The following INSR variants were observed in gnomAD, a reference collection of about 807,000 sequenced individuals.
INSR encodes the protein insulin receptor.
Under a neutral mutation model 142.6 loss-of-function variants are expected in INSR, and 67 were observed. That is an observed-to-expected ratio of 0.47 (90% CI 0.39 to 0.58). The LOEUF is 0.58. INSR is among the 20% of genes least tolerant of loss of function. The pLI is 0.00. For synonymous variants in INSR, 756 were observed against 743.1 expected, an observed-to-expected ratio of 1.02 and a Z score of -0.28; for missense variants, 1,248 against 1,833.2, an observed-to-expected ratio of 0.68 and a Z score of 5.83.
intron 2 of INSR, among the ~76,000 whole-genome samples, chr19:7,248,739 T>A (rs1236363073): frequency 6.8e-6 from 1 of 146,326 alleles, no homozygotes; most frequent in Non-Finnish European, 1.5e-5. Context: ...CCTGGACTAT[T>A]CCCGGTTGGC....
chr19:7,196,995 A>C (rs910498284), intron 2 of INSR, among the ~76,000 whole-genome samples: 3 of 152,100 alleles, frequency 2.0e-5, no homozygotes, highest in African/African-American at 7.2e-5. Flanking sequence ...CCCTGACCTC[A>C]GAGGTTCGAG....
chr19:7,257,247 C>T lies in INSR; in HGVS notation c.652+10098G>A, dbSNP rs117872551. Among the ~76,000 whole-genome samples, 125 of 152,052 alleles carry T rather than the reference C, an allele frequency of 8.2e-4. 1 individual carries two copies. The East Asian group carries it at 0.019, about 23-fold the overall frequency. On this transcript the variant is annotated intron_variant, in intron 2 of 21. Coordinates refer to ENST00000302850, the MANE Select transcript of INSR (RefSeq NM_000208.4). Reference sequence around the variant, plus strand: ...GCCTGAGCCACCGTGCCCGGCCTCCCCCACCTTATCTTTTTCTTTTTGTTG... The same window carrying T: ...GCCTGAGCCACCGTGCCCGGCCTCCTCCACCTTATCTTTTTCTTTTTGTTG...
At chr19:7,139,311 C>G (rs1053136132) in intron 13 of INSR, among the ~76,000 whole-genome samples, 1 of 152,194 alleles carries the variant, frequency 6.6e-6, no homozygotes, top group Non-Finnish European at 1.5e-5. Context: ...GCAGCAAGAA[C>G]TGACTGAAAC....
Position 7,290,300 on chromosome 19 carries a change from G to A in INSR, c.100+3492C>T, listed in dbSNP as rs75540469. Among the ~76,000 whole-genome samples the A allele has an allele frequency of 9.6e-3, 1,454 of 152,160 alleles. 54 individuals are homozygous for A. In the East Asian group the frequency reaches 0.13, roughly 14 times the overall value. ...GTGTGCCTGTGGTCCCAGCTACTAC[G>A]GAGGCTAAAATAGGAGGATGGCTTG... is the stretch of plus-strand genomic sequence containing the variant. On this transcript the variant is annotated intron_variant, in intron 1 of 21. Coordinates refer to ENST00000302850, the MANE Select transcript of INSR (RefSeq NM_000208.4).
rs547680930 is a variant in INSR, at chr19:7,289,877, T to C, written c.100+3915A>G. On this transcript the variant is annotated intron_variant, in intron 1 of 21. Transcript: ENST00000302850. The stretch of plus-strand genomic sequence containing the variant: ...CCCAGGACCACATGGGTGGAGACCA[T>C]GGTTCCAGCTCAACACTCTACATAC... 5.3e-5 allele frequency among the ~76,000 whole-genome samples: 8 copies of C among 152,244 alleles called. No individual in the cohort carries two copies. In the Middle Eastern group the frequency reaches 0.01, roughly 194 times the overall value.
intron 13 of INSR, among the ~76,000 whole-genome samples, chr19:7,136,171 TG>T (rs1031916603): frequency 2.0e-5 from 3 of 152,092 alleles, no homozygotes; most frequent in African/African-American, 7.2e-5. Flanking sequence ...ATTTTTGTCA[TG>T]GCTAATTTGG....
Position 7,294,007 on chromosome 19 carries a change from G to A in INSR, c.-116C>T. 3 of 1,059,650 alleles carry A rather than the reference G, an allele frequency of 2.8e-6. No homozygotes were observed. The highest frequency in any genetic ancestry group is 3.5e-6 in the Non-Finnish European group (3 of 866,006). The allele number at this position is 1,059,650 out of a possible 1,614,324, so 65.6% of individuals were successfully genotyped here. On this transcript the variant is annotated 5_prime_UTR_variant, in exon 1 of 22. Transcript: ENST00000302850. The stretch of plus-strand genomic sequence containing the variant: ...GGGGCCGCGCGTCCTTCTCTTCCAC[G>A]CCCGCGACCCGCGGGCCGCAGCCCC...
In INSR at chr19:7,172,340, A is replaced by C; in HGVS notation, c.1218T>G (p.Leu406=). ...TCAGACGTAACTTCCGGAAGAAGGA[A>C]AGTGACACCAGAGCGTAGGATCGGC... ...KIRRSYALVS[L]SFFRKLRLIR... The change falls in exon 5 of 22, where the codon CTT becomes CTG. Residue 406 remains leucine (L), a synonymous_variant. Transcript: ENST00000302850. 6.2e-7 allele frequency: 1 copy of C among 1,614,180 alleles called. No homozygotes were observed. Among genetic ancestry groups the C allele is most frequent in the South Asian group, 1.1e-5 (1 of 91,080 alleles).
chr19:7,282,012 G>C (rs370978057), intron 1 of INSR, among the ~76,000 whole-genome samples: 2 of 152,162 alleles, frequency 1.3e-5, no homozygotes, highest in Non-Finnish European at 2.9e-5. Flanking sequence ...GAGCCAGTCT[G>C]TACGTGGCAC....
intron 2 of INSR, among the ~76,000 whole-genome samples, chr19:7,236,973 G>A (rs1444320173): frequency 6.7e-6 from 1 of 150,270 alleles, no homozygotes; most frequent in African/African-American, 2.5e-5. Context: ...CTTGCAGTGA[G>A]CCGAGATCGC....
rs532592666 is a variant in INSR at position 7,193,189 on chromosome 19, G to C, written c.653-8552C>G. On this transcript the variant is annotated intron_variant, in intron 2 of 21. Transcript: ENST00000302850. ...GCTGGAGTGCAGTGGCACGATCTCAGCTCACTGCAACCTCCGCCTCCCGGG... is the reference window on the plus strand; with the variant it reads ...GCTGGAGTGCAGTGGCACGATCTCACCTCACTGCAACCTCCGCCTCCCGGG... 4.0e-5 allele frequency among the ~76,000 whole-genome samples: 6 copies of C among 150,544 alleles called. No individual in the cohort carries two copies. In the South Asian group the frequency reaches 1.0e-3, roughly 26 times the overall value.
rs1235715606 is a variant in INSR, at chr19:7,172,501, T to C, written c.1124-67A>G. ...ATTTCAATCTTCTCATGATTCTCCA[T>C]GGTGAGAAGATAACCCTCAGGCTGC... On this transcript the variant is annotated intron_variant, in intron 4 of 21. Coordinates refer to ENST00000302850, the MANE Select transcript of INSR (RefSeq NM_000208.4). The C allele has an allele frequency of 8.4e-6, 13 of 1,544,504 alleles. No homozygotes were observed. In the East Asian group the frequency reaches 2.5e-4, roughly 29 times the overall value.
chr19:7,236,218 TC>T (rs1406185633), intron 2 of INSR, among the ~76,000 whole-genome samples: 1 of 152,066 alleles, frequency 6.6e-6, no homozygotes, highest in African/African-American at 2.4e-5. Context: ...CGCCTCAGCC[TC>T]CCAAAGTGCT....
At position 7,116,858 on chromosome 19, in the gene INSR, A is replaced by T; in HGVS notation, c.*198T>A. On this transcript the variant is annotated 3_prime_UTR_variant, in exon 22 of 22. Transcript: ENST00000302850. Reference sequence around the variant, plus strand: ...TGGAAACCCCTTGCCCTCCAGGTTCACAGTTAAATCCTCTGCAGGACTAGT... The same window carrying T: ...TGGAAACCCCTTGCCCTCCAGGTTCTCAGTTAAATCCTCTGCAGGACTAGT... 1 of 573,900 alleles carries T rather than the reference A, an allele frequency of 1.7e-6. No individual in the cohort carries two copies. Among genetic ancestry groups the T allele is most frequent in the Admixed American group, 3.1e-5 (1 of 32,316 alleles). 35.6% of individuals were successfully genotyped at this position (573,900 alleles called of 1,614,324 possible).
At chr19:7,179,869 A>C (rs1321399608) in intron 3 of INSR, among the ~76,000 whole-genome samples, 1 of 152,162 alleles carries the variant, frequency 6.6e-6, no homozygotes, top group Non-Finnish European at 1.5e-5. Flanking sequence ...AGTGGAGTCT[A>C]TGTTCCCACC....
At chr19:7,239,653 T>C (rs1221427590) in intron 2 of INSR, among the ~76,000 whole-genome samples, 1 of 152,144 alleles carries the variant, frequency 6.6e-6, no homozygotes, top group Non-Finnish European at 1.5e-5. Context: ...AAGATGTTCA[T>C]TGCAGCATTG....
At chr19:7,282,322 G>C (rs1441376204) in intron 1 of INSR, among the ~76,000 whole-genome samples, 1 of 151,620 alleles carries the variant, frequency 6.6e-6, no homozygotes, top group Admixed American at 6.6e-5. Context: ...CCGAGATCGT[G>C]CCACTACACT....
At chr19:7,263,648 T>A (rs1320772607) in intron 2 of INSR, among the ~76,000 whole-genome samples, 1 of 152,188 alleles carries the variant, frequency 6.6e-6, no homozygotes, top group Non-Finnish European at 1.5e-5. Flanking sequence ...CTCAGTGGCA[T>A]GAACAGGGCT....
chr19:7,238,485 G>A (rs1976231852), intron 2 of INSR, among the ~76,000 whole-genome samples: 1 of 151,846 alleles, frequency 6.6e-6, no homozygotes, highest in Non-Finnish European at 1.5e-5. Context: ...GCCGGGCGTG[G>A]TGGCATGCAC....
Sources: allele counts gnomAD v4.1 joint callset (sites outside exome capture counted in the v4.1 genomes callset), GRCh38; gene constraint gnomAD v4.1.1; transcripts MANE v1.5; gene names NCBI Gene and HGNC (gene_info 2026-07-23, HGNC 2026-07-21).